The following KAZN variants were observed in gnomAD, a reference collection of about 807,000 sequenced individuals.
KAZN encodes the protein kazrin.
KAZN carries 40 observed loss-of-function variants against 87.4 expected under a neutral mutation model. The observed-to-expected ratio is 0.46, with a 90% confidence interval of 0.36 to 0.60. The LOEUF is 0.60. Among genes scored for constraint, KAZN ranks in the 20% least tolerant of loss-of-function variants. The probability of loss-of-function intolerance (pLI) is 0.00; values close to 1 mark genes in which losing one functional copy is unlikely to be tolerated. For synonymous variants in KAZN, 466 were observed against 458.3 expected, an observed-to-expected ratio of 1.02 and a Z score of -0.22; for missense variants, 898 against 1,073.9, an observed-to-expected ratio of 0.84 and a Z score of 2.29.
At chr1:14,681,649 A>T (rs77797431) in intron 1 of KAZN, among the ~76,000 whole-genome samples, 10 of 10,396 alleles carry the variant, frequency 9.6e-4, no homozygotes, top group African/African-American at 2.5e-3. Flanking sequence ...ATATATATAT[A>T]TATATATATT....
intron 2 of KAZN, among the ~76,000 whole-genome samples, chr1:14,961,598 T>A (rs1167757271): frequency 6.6e-6 from 1 of 152,160 alleles, no homozygotes; most frequent in East Asian, 1.9e-4. Context: ...GTCAGTGGAC[T>A]CCACAGTGCT....
intron 2 of KAZN, among the ~76,000 whole-genome samples, chr1:14,233,585 G>C (rs1307239222): frequency 1.3e-5 from 2 of 152,196 alleles, no homozygotes; most frequent in African/African-American, 4.8e-5. Flanking sequence ...GCCAAAATCA[G>C]CTGACTCTCT....
At chr1:14,736,252 A>G (rs1378326236) in intron 1 of KAZN, among the ~76,000 whole-genome samples, 1 of 113,196 alleles carries the variant, frequency 8.8e-6, no homozygotes, top group South Asian at 3.7e-4. Context: ...GTGGGACTCA[A>G]GGGTGTGTGT....
At chr1:14,815,122 C>T (rs891075637) in intron 1 of KAZN, among the ~76,000 whole-genome samples, 6 of 152,084 alleles carry the variant, frequency 3.9e-5, no homozygotes, top group African/African-American at 1.4e-4. Context: ...AAGGGTGTGA[C>T]CTGCTTAGAT....
chr1:13,904,237 A>G (rs1639356147), intron 1 of KAZN, among the ~76,000 whole-genome samples: 1 of 152,162 alleles, frequency 6.6e-6, no homozygotes, highest in South Asian at 2.1e-4. Context: ...TCCTCAGCAC[A>G]GAGGAAATAG....
At chr1:14,607,523 G>A (rs1280583181) in intron 1 of KAZN, among the ~76,000 whole-genome samples, 2 of 152,222 alleles carry the variant, frequency 1.3e-5, no homozygotes, top group Non-Finnish European at 2.9e-5. Flanking sequence ...GGATTTGCAT[G>A]TCAGACACTA....
At chr1:15,009,929 G>C (rs1669410456) in intron 2 of KAZN, among the ~76,000 whole-genome samples, 1 of 150,446 alleles carries the variant, frequency 6.6e-6, no homozygotes, top group South Asian at 2.1e-4. Flanking sequence ...TAAAAGATAA[G>C]GACTCTTTTT....
At chr1:14,000,130 GC>G (rs1206533187) in intron 1 of KAZN, among the ~76,000 whole-genome samples, 6 of 152,168 alleles carry the variant, frequency 3.9e-5, no homozygotes, top group Non-Finnish European at 8.8e-5. Context: ...ACAAAGAGGA[GC>G]TTGTGCCATT....
chr1:14,865,175 C>A (rs1356105512), intron 1 of KAZN, among the ~76,000 whole-genome samples: 1 of 152,140 alleles, frequency 6.6e-6, no homozygotes, highest in Non-Finnish European at 1.5e-5. Flanking sequence ...AGGTCAGGGA[C>A]ACCGTTCTCA....
At chr1:14,531,206 T>C (rs1265825503) in intron 2 of KAZN, among the ~76,000 whole-genome samples, 1 of 152,306 alleles carries the variant, frequency 6.6e-6, no homozygotes, top group East Asian at 1.9e-4. Flanking sequence ...GACTCAGCTG[T>C]GCAAATTGTC....
At chr1:14,097,046 T>C (rs1212546365) in intron 1 of KAZN, among the ~76,000 whole-genome samples, 1 of 152,166 alleles carries the variant, frequency 6.6e-6, no homozygotes, top group African/African-American at 2.4e-5. Context: ...CAAAATGCCA[T>C]TGTAGAGGAT....
At chr1:15,080,240 A>G (rs1174077263) in intron 8 of KAZN, among the ~76,000 whole-genome samples, 1 of 152,206 alleles carries the variant, frequency 6.6e-6, no homozygotes, top group Non-Finnish European at 1.5e-5. Flanking sequence ...GATTTTTTAA[A>G]AGTATAAAGC....
At chr1:14,052,472 A>AGC (rs1553121609) in intron 1 of KAZN, among the ~76,000 whole-genome samples, 1 of 152,180 alleles carries the variant, frequency 6.6e-6, no homozygotes, top group Non-Finnish European at 1.5e-5. Context: ...GGGAGTTTAC[A>AGC]ATTAAGATCA....
At chr1:14,166,995 T>TC (rs1449440759) in intron 1 of KAZN, among the ~76,000 whole-genome samples, 1 of 152,182 alleles carries the variant, frequency 6.6e-6, no homozygotes, top group Non-Finnish European at 1.5e-5. Context: ...CCACAGTCTG[T>TC]CCTAAGGTGC....
At chr1:14,905,814 G>A (rs1343795028) in intron 1 of KAZN, among the ~76,000 whole-genome samples, 2 of 148,338 alleles carry the variant, frequency 1.3e-5, no homozygotes, top group East Asian at 4.1e-4. Flanking sequence ...CTGCACTCCA[G>A]CCTGGGCGAG....
intron 2 of KAZN, among the ~76,000 whole-genome samples, chr1:14,321,125 C>G (rs1046604023): frequency 1.3e-5 from 2 of 152,172 alleles, no homozygotes; most frequent in Non-Finnish European, 2.9e-5. Context: ...CATGAAGCAC[C>G]CTTTCCACTT....
intron 2 of KAZN, among the ~76,000 whole-genome samples, chr1:14,393,575 G>A (rs1420097024): frequency 1.3e-5 from 2 of 152,094 alleles, no homozygotes; most frequent in African/African-American, 4.8e-5. Context: ...GTTTGCCATA[G>A]TTGCTTATTC....
At chr1:14,721,511 T>A (rs1374790895) in intron 1 of KAZN, among the ~76,000 whole-genome samples, 1 of 152,222 alleles carries the variant, frequency 6.6e-6, no homozygotes, top group African/African-American at 2.4e-5. Context: ...CCTGTGCAAC[T>A]GTGAAACTGG....
intron 1 of KAZN, among the ~76,000 whole-genome samples, chr1:14,726,090 C>T (rs1643368427): frequency 6.6e-6 from 1 of 152,202 alleles, no homozygotes; most frequent in Non-Finnish European, 1.5e-5. Flanking sequence ...AGTCCTGATG[C>T]CAGCCTCACC....
Sources: gnomAD v4.1 joint callset for allele counts (sites outside exome capture counted in the v4.1 genomes callset) on GRCh38, gnomAD v4.1.1 for gene constraint, MANE v1.5 for transcripts, NCBI Gene and HGNC (gene_info 2026-07-23, HGNC 2026-07-21) for gene names.